The following TRIM24 variants were observed in gnomAD, a reference collection of about 807,000 sequenced individuals.
TRIM24 encodes the protein tripartite motif containing 24.
In TRIM24, 29 loss-of-function variants were observed where a neutral mutation model predicts 123.9. The observed-to-expected ratio is 0.23, with a 90% CI of 0.17 to 0.32. The LOEUF is 0.32. Ranked by LOEUF, TRIM24 falls within the 10% of genes least tolerant of loss-of-function variation. The pLI, the probability that TRIM24 is intolerant of heterozygous loss-of-function variation, is 1.00. For missense variants in TRIM24, 932 were observed against 1,295.3 expected, an observed-to-expected ratio of 0.72 and a Z score of 4.31; for synonymous variants, 456 against 461.1, an observed-to-expected ratio of 0.99 and a Z score of 0.14.
rs1794935142 is a variant in TRIM24 at position 138,460,529 on chromosome 7, G to C, written c.-20G>C. 1 of 1,262,766 alleles carries C rather than the reference G, an allele frequency of 7.9e-7. No individual in the cohort carries two copies. The highest frequency in any genetic ancestry group is 1.6e-5 in the African/African-American group (1 of 64,408). 78.2% of individuals were successfully genotyped at this position (1,262,766 alleles called of 1,614,324 possible). A position where few individuals can be genotyped will look rare whatever the true frequency, so the allele number is the denominator to read the frequency against. On this transcript the variant is annotated 5_prime_UTR_variant, in exon 1 of 19. Transcript: ENST00000343526. ...CGGAGACCGCGCTCTCGCTTCCCCG[G>C]CGGCGGCAAGGGCAGGACAATGGAG...
intron 13 of TRIM24, 116 bp from the exon 14 acceptor site, chr7:138,577,304 G>A: frequency 1.3e-6 from 1 of 782,840 alleles, no homozygotes; most frequent in Non-Finnish European, 1.9e-6. Flanking sequence ...AATTGCTGAT[G>A]TTAACATACT....
intron 1 of TRIM24, among the ~76,000 whole-genome samples, chr7:138,502,496 T>A (rs1796063454): frequency 6.6e-6 from 1 of 152,214 alleles, no homozygotes; most frequent in African/African-American, 2.4e-5. Flanking sequence ...ATCTAGGTCT[T>A]GAACAGTTTT....
rs549832552 is a variant in TRIM24, at chr7:138,460,401, C to T, written c.-148C>T. The stretch of plus-strand genomic sequence containing the variant: ...CCCGTGGGCCTGAGGAGGCTTCCCC[C>T]GCCCGGTTTGCTTTCCCTCCCTCGC... On this transcript the variant is annotated 5_prime_UTR_variant, in exon 1 of 19. Coordinates refer to ENST00000343526, the MANE Select transcript of TRIM24 (RefSeq NM_015905.3). 3 of 865,912 alleles carry T rather than the reference C, an allele frequency of 3.5e-6. No individual in the cohort carries two copies. The highest frequency in any genetic ancestry group is 1.8e-5 in the African/African-American group (1 of 56,976). The allele number at this position is 865,912 out of a possible 1,614,324, so 53.6% of individuals were successfully genotyped here.
chr7:138,530,083 C>A (rs1172166966), intron 6 of TRIM24, among the ~76,000 whole-genome samples: 1 of 152,022 alleles, frequency 6.6e-6, no homozygotes. Context: ...CATGGTCATT[C>A]CTGTGTATTA....
chr7:138,471,510 CAT>C (rs2116457085), intron 1 of TRIM24, among the ~76,000 whole-genome samples: 1 of 151,624 alleles, frequency 6.6e-6, no homozygotes, highest in Admixed American at 6.6e-5. Context: ...GTTCTCATCT[CAT>C]AGTATAATAA....
intron 6 of TRIM24, 47 bp from the exon 7 acceptor site, chr7:138,538,610 T>A: frequency 6.3e-7 from 1 of 1,597,212 alleles, no homozygotes; most frequent in Non-Finnish European, 8.6e-7. Context: ...CATCAAAGTC[T>A]ATGTTACATG....
intron 8 of TRIM24, among the ~76,000 whole-genome samples, chr7:138,551,401 G>GTGGCACATGC (rs1470065823): frequency 6.6e-6 from 1 of 152,158 alleles, no homozygotes; most frequent in African/African-American, 2.4e-5. Context: ...TTCTAAGTTA[G>GTGGCACATGC]CTAAGGGTAG....
intron 9 of TRIM24, among the ~76,000 whole-genome samples, chr7:138,563,339 C>T (rs1797465872): frequency 6.6e-6 from 1 of 152,134 alleles, no homozygotes; most frequent in Non-Finnish European, 1.5e-5. Flanking sequence ...TGATTTTTTC[C>T]AGTGTCCCTT....
At chr7:138,491,069 CATGG>C (rs1207055302) in intron 1 of TRIM24, 3 of 248,180 alleles carry the variant, frequency 1.2e-5, no homozygotes, top group Non-Finnish European at 2.4e-5. Context: ...AGACCCATGC[CATGG>C]AAGTTAAGTC....
At chr7:138,531,162 A>G (rs2116589844) in intron 6 of TRIM24, among the ~76,000 whole-genome samples, 1 of 145,108 alleles carries the variant, frequency 6.9e-6, no homozygotes, top group East Asian at 1.9e-4. Flanking sequence ...TCTAGGGTAC[A>G]TGTGCACAAC....
At chr7:138,555,545 C>T (rs1034395791) in intron 9 of TRIM24, among the ~76,000 whole-genome samples, 1 of 149,580 alleles carries the variant, frequency 6.7e-6, no homozygotes, top group Non-Finnish European at 1.5e-5. Flanking sequence ...TGCAATGACA[C>T]GATCTCAGCT....
At chr7:138,497,546 C>T (rs1316197037) in intron 1 of TRIM24, among the ~76,000 whole-genome samples, 1 of 151,000 alleles carries the variant, frequency 6.6e-6, no homozygotes, top group African/African-American at 2.4e-5. Context: ...AGGCAGCTAC[C>T]ACCATGTACA....
At chr7:138,570,761 G>A in intron 10 of TRIM24, 69 bp from the exon 11 acceptor site, 1 of 1,513,088 alleles carries the variant, frequency 6.6e-7, no homozygotes. Flanking sequence ...TTTTGTGTGA[G>A]TGATTACATA....
chr7:138,483,141 A>T (rs1795567152), intron 1 of TRIM24, among the ~76,000 whole-genome samples: 1 of 151,840 alleles, frequency 6.6e-6, no homozygotes, highest in African/African-American at 2.4e-5. Flanking sequence ...GCTGGTGTCA[A>T]ATCCCTACAC....
chr7:138,579,707 T>C (rs1173085417), intron 15 of TRIM24, among the ~76,000 whole-genome samples, 175 bp downstream of exon 15: 1 of 152,164 alleles, frequency 6.6e-6, no homozygotes, highest in Non-Finnish European at 1.5e-5. Flanking sequence ...TTGTGCTTCT[T>C]TCAAAAAACT....
At chr7:138,461,274 G>A (rs1794965226) in intron 1 of TRIM24, 1 of 564,112 alleles carries the variant, frequency 1.8e-6, no homozygotes, top group Non-Finnish European at 3.4e-6. Flanking sequence ...ACTGCTACCC[G>A]CCCGCTGCCT....
At chr7:138,548,681 T>C (rs1019951842) in intron 7 of TRIM24, among the ~76,000 whole-genome samples, 7 of 152,238 alleles carry the variant, frequency 4.6e-5, no homozygotes, top group African/African-American at 1.7e-4. Context: ...TTTATAAACT[T>C]TTTAATTTTT....
At chr7:138,483,581 C>CCT (rs1563027367) in intron 1 of TRIM24, among the ~76,000 whole-genome samples, 1 of 152,138 alleles carries the variant, frequency 6.6e-6, no homozygotes, top group Non-Finnish European at 1.5e-5. Context: ...GGATTCCTGC[C>CCT]ATAGGATTAT....
Position 138,588,071 on chromosome 7 carries a change from T to C in TRIM24, c.*3120T>C, listed in dbSNP as rs1478358724. ...GCTATATTTTACTACCACATAGTAG[T>C]GTAGATGTAGTATAACTTGCTTAGG... On this transcript the variant is annotated 3_prime_UTR_variant, in exon 19 of 19. Coordinates refer to ENST00000343526, the MANE Select transcript of TRIM24 (RefSeq NM_015905.3). 1.3e-5 allele frequency: 2 copies of C among 152,170 alleles called. No homozygotes were observed. 9.4% of individuals were successfully genotyped at this position (152,170 alleles called of 1,614,324 possible).
Sources: allele counts gnomAD v4.1 joint callset (sites outside exome capture counted in the v4.1 genomes callset), GRCh38; gene constraint gnomAD v4.1.1; transcripts MANE v1.5; gene names NCBI Gene and HGNC (gene_info 2026-07-23, HGNC 2026-07-21).